The following STK32C variants were observed in gnomAD, a reference collection of about 807,000 sequenced individuals.
STK32C encodes serine/threonine-protein kinase 32C.
Under a neutral mutation model 56.5 loss-of-function variants are expected in STK32C, and 31 were observed. The observed-to-expected ratio is 0.55, with a 90% CI of 0.41 to 0.74. The LOEUF (loss-of-function observed/expected upper bound fraction) is 0.74. STK32C is among the 30% of genes least tolerant of loss of function. The pLI is 0.00. For synonymous variants in STK32C, 309 were observed against 289.4 expected (o/e 1.07, Z -0.69); for missense variants, 544 against 676.9 (o/e 0.80, Z 2.18).
chr10:132,323,652 AG>A (rs1050436844), downstream of STK32C, among the ~76,000 whole-genome samples: 2 of 152,244 alleles, frequency 1.3e-5, no homozygotes, highest in African/African-American at 4.8e-5. This position sits in a 1 kb window ranked among gnomAD's most constrained non-coding sequence, Gnocchi z 4.8. Flanking sequence ...GGAGGCTCAC[AG>A]GCCATGAGAT....
intron 1 of STK32C, among the ~76,000 whole-genome samples, chr10:132,286,931 A>T (rs2138276475): frequency 6.6e-6 from 1 of 152,390 alleles, no homozygotes; most frequent in Admixed American, 6.5e-5. Flanking sequence ...GAAAGCAGCG[A>T]AATTGTCTTT....
At chr10:132,235,079 T>C (rs2063228952) in intron 2 of STK32C, among the ~76,000 whole-genome samples, 1 of 151,902 alleles carries the variant, frequency 6.6e-6, no homozygotes, top group South Asian at 2.1e-4. Context: ...GCTGTGTGAC[T>C]GGTATGAACT....
intron 1 of STK32C, among the ~76,000 whole-genome samples, chr10:132,304,898 C>T (rs757169772): frequency 6.6e-6 from 1 of 152,198 alleles, no homozygotes; most frequent in Non-Finnish European, 1.5e-5. Context: ...TTCCTGCTGG[C>T]GGGCTAATGC....
upstream of STK32C, among the ~76,000 whole-genome samples, chr10:132,310,400 G>A (rs919719468): frequency 5.9e-5 from 9 of 152,194 alleles, no homozygotes; most frequent in African/African-American, 1.7e-4. This position sits in a 1 kb window ranked among gnomAD's most constrained non-coding sequence, Gnocchi z 4.6. Flanking sequence ...GTCCAGCCAC[G>A]GCTCAGGGTC....
intron 10 of STK32C, among the ~76,000 whole-genome samples, chr10:132,217,364 A>G (rs2062504232): frequency 6.6e-6 from 1 of 152,156 alleles, no homozygotes; most frequent in Admixed American, 6.5e-5. Flanking sequence ...CAGTGCCTGT[A>G]CCCCTATTGT....
In STK32C at chr10:132,253,384, G is replaced by A. The variant is rs554910077; in HGVS notation, c.263-7429C>T. On this transcript the variant is annotated intron_variant, in intron 1 of 11. Coordinates refer to ENST00000298630, the MANE Select transcript of STK32C (RefSeq NM_173575.4). ...GAGAGTCAAGGGAGCCTGGGGAGCC[G>A]AGGTAGCTGGAGGGAGTCGAGGGAG... 2.2e-3 allele frequency among the ~76,000 whole-genome samples: 335 copies of A among 149,780 alleles called. 2 individuals are homozygous for A. Among genetic ancestry groups the A allele is most frequent in the African/African-American group, 7.7e-3 (310 of 40,518 alleles).
At chr10:132,331,383 G>C in intron 1 of STK32C, 1 of 1,542,464 alleles carries the variant, frequency 6.5e-7, no homozygotes. Flanking sequence ...CCTCCCGCCC[G>C]GTGTCATTTC....
intron 1 of STK32C, chr10:132,249,078 C>G: frequency 1.0e-5 from 5 of 478,666 alleles, no homozygotes; most frequent in South Asian, 3.0e-5. Flanking sequence ...CCGGCAGAGG[C>G]TCCCAGCTGG....
chr10:132,307,985 TGG>T (rs2066134652), upstream of STK32C: 1 of 401,664 alleles, frequency 2.5e-6, no homozygotes, highest in Admixed American at 3.9e-4. This position sits in a 1 kb window ranked among gnomAD's most constrained non-coding sequence, Gnocchi z 4.4. Context: ...TTGCGAGCGC[TGG>T]GGGCGGGGCA....
chr10:132,315,838 A>C (rs1401710026), intron 1 of STK32C, among the ~76,000 whole-genome samples: 1 of 152,260 alleles, frequency 6.6e-6, no homozygotes, highest in African/African-American at 2.4e-5. Context: ...ATTTTCAATA[A>C]ATCTCAAAGG....
At chr10:132,331,834 G>T, upstream of STK32C, 1 of 1,513,504 alleles carries the variant, frequency 6.6e-7, no homozygotes, top group Non-Finnish European at 8.9e-7. Context: ...AAGGCCGCGG[G>T]CGCGGAAAAA....
At chr10:132,220,193 T>C (rs1021114943) in intron 10 of STK32C, among the ~76,000 whole-genome samples, 3 of 152,102 alleles carry the variant, frequency 2.0e-5, no homozygotes, top group Non-Finnish European at 1.5e-5. Context: ...CAATGCCTGG[T>C]GTCCTTATGA....
At chr10:132,285,939 A>T (rs936397292) in intron 1 of STK32C, among the ~76,000 whole-genome samples, 23 of 152,270 alleles carry the variant, frequency 1.5e-4, no homozygotes, top group African/African-American at 5.3e-4. Flanking sequence ...CCTGGCTAAC[A>T]CAGTGAAATC....
At chr10:132,258,987 C>G (rs2064217313) in intron 1 of STK32C, among the ~76,000 whole-genome samples, 2 of 152,206 alleles carry the variant, frequency 1.3e-5, no homozygotes, top group South Asian at 4.1e-4. Context: ...CAACTAAAAG[C>G]ATTCACTCGA....
chr10:132,275,170 C>T (rs1299740314), intron 1 of STK32C, among the ~76,000 whole-genome samples: 2 of 152,242 alleles, frequency 1.3e-5, no homozygotes, highest in African/African-American at 4.8e-5. Context: ...TCAGCCCTGA[C>T]AGCAGCCATG....
chr10:132,237,351 GCA>G (rs1296095973), intron 2 of STK32C, among the ~76,000 whole-genome samples: 1 of 152,248 alleles, frequency 6.6e-6, no homozygotes, highest in Non-Finnish European at 1.5e-5. Context: ...CAAGGACCAT[GCA>G]CACGCCTGTC....
At chr10:132,280,173 C>T (rs1365461765) in intron 1 of STK32C, among the ~76,000 whole-genome samples, 1 of 148,208 alleles carries the variant, frequency 6.7e-6, no homozygotes, top group African/African-American at 2.5e-5. Context: ...CCCCTGCACT[C>T]CGTGACCACG....
chr10:132,249,076 G>A (rs763569698), intron 1 of STK32C: 6 of 478,566 alleles, frequency 1.3e-5, no homozygotes, highest in Middle Eastern at 3.2e-4. Context: ...CTCCGGCAGA[G>A]GCTCCCAGCT....
chr10:132,214,782 G>C (rs1381829334), intron 10 of STK32C, among the ~76,000 whole-genome samples: 3 of 152,238 alleles, frequency 2.0e-5, no homozygotes, highest in East Asian at 3.8e-4. Flanking sequence ...CTGCACATGA[G>C]GGGGCAGAGT....
Sources: gnomAD v4.1 joint callset for allele counts (sites outside exome capture counted in the v4.1 genomes callset) on GRCh38, gnomAD v4.1.1 for gene constraint, Gnocchi (gnomAD v3.1) non-coding constraint, MANE v1.5 for transcripts, NCBI Gene and HGNC (gene_info 2026-07-23, HGNC 2026-07-21) for gene names.